PPARGC1A: variants seen among roughly 807,000 people sequenced by gnomAD.
PPARGC1A encodes PPARG coactivator 1 alpha.
Under a neutral mutation model 88.7 loss-of-function variants are expected in PPARGC1A, and 25 were observed. The observed-to-expected ratio is 0.28, with a 90% confidence interval of 0.21 to 0.39. The LOEUF (loss-of-function observed/expected upper bound fraction) is 0.39, where lower values mean the gene tolerates loss of function less well. PPARGC1A is among the 10% of genes least tolerant of loss of function. PPARGC1A has a pLI of 1.00. For synonymous variants in PPARGC1A, 363 were observed against 355.6 expected (o/e 1.02, Z -0.24); for missense variants, 880 against 968.7 (o/e 0.91, Z 1.22).
chr4:24,041,173 G>T, the PPARGC1A span, among the ~76,000 whole-genome samples: 1 of 152,170 alleles, frequency 6.6e-6, no homozygotes, highest in Non-Finnish European at 1.5e-5. Context: ...GACCTTTAAA[G>T]ATTGTGTCAA....
the PPARGC1A span, among the ~76,000 whole-genome samples, chr4:23,993,593 C>T: frequency 2.0e-5 from 3 of 152,098 alleles, no homozygotes; most frequent in Non-Finnish European, 4.4e-5. Context: ...ATCATCAGCC[C>T]CATTTTGCAG....
At chr4:23,892,754 T>C (rs775888733), upstream of PPARGC1A, among the ~76,000 whole-genome samples, 1 of 152,162 alleles carries the variant, frequency 6.6e-6, no homozygotes, top group Non-Finnish European at 1.5e-5. Context: ...CAAGGATCTA[T>C]TGAAACCTTA....
At chr4:24,467,150 G>A in the PPARGC1A span, among the ~76,000 whole-genome samples, 14 of 151,686 alleles carry the variant, frequency 9.2e-5, no homozygotes, top group Non-Finnish European at 8.8e-5. Context: ...AAAGAAAAGC[G>A]AACAATGTTT....
At chr4:24,229,001 A>G in the PPARGC1A span, among the ~76,000 whole-genome samples, 4 of 152,068 alleles carry the variant, frequency 2.6e-5, no homozygotes, top group Non-Finnish European at 5.9e-5. Context: ...AGTGACTGCC[A>G]TGCTTTGGGA....
the PPARGC1A span, among the ~76,000 whole-genome samples, chr4:24,299,636 A>G: frequency 6.6e-6 from 1 of 152,152 alleles, no homozygotes; most frequent in African/African-American, 2.4e-5. Flanking sequence ...TTAAATGATC[A>G]TATGGGCATG....
the PPARGC1A span, among the ~76,000 whole-genome samples, chr4:23,984,997 A>T: frequency 4.0e-3 from 609 of 152,214 alleles, no homozygotes; most frequent in Non-Finnish European, 6.1e-3. Flanking sequence ...AGGCTGACAA[A>T]CATTTCAGAG....
At chr4:24,353,109 A>T in the PPARGC1A span, among the ~76,000 whole-genome samples, 1 of 151,872 alleles carries the variant, frequency 6.6e-6, no homozygotes, top group African/African-American at 2.4e-5. Flanking sequence ...TCTGACTGGT[A>T]TTGCCAGCAA....
At chr4:24,099,857 T>C in the PPARGC1A span, among the ~76,000 whole-genome samples, 411 of 151,468 alleles carry the variant, frequency 2.7e-3, 4 homozygotes, top group East Asian at 0.051. Flanking sequence ...GAAGGTGAGC[T>C]AAGGCTGCGT....
the PPARGC1A span, among the ~76,000 whole-genome samples, chr4:24,165,783 T>C: frequency 6.6e-6 from 1 of 151,908 alleles, no homozygotes; most frequent in Non-Finnish European, 1.5e-5. Flanking sequence ...TTCTGACTGC[T>C]CCACTGACCA....
the PPARGC1A span, among the ~76,000 whole-genome samples, chr4:24,290,214 T>A: frequency 2.7e-3 from 408 of 152,184 alleles, 3 homozygotes; most frequent in African/African-American, 8.7e-3. Context: ...CTTTTTTTTT[T>A]AAATTTATTT....
chr4:24,326,531 G>C, the PPARGC1A span, among the ~76,000 whole-genome samples: 3 of 152,242 alleles, frequency 2.0e-5, no homozygotes, highest in Middle Eastern at 3.4e-3. Context: ...GACTGACCCT[G>C]ACACCCATCA....
At chr4:24,176,593 C>G in the PPARGC1A span, among the ~76,000 whole-genome samples, 2 of 152,122 alleles carry the variant, frequency 1.3e-5, no homozygotes, top group Non-Finnish European at 2.9e-5. Context: ...AACATGTTTC[C>G]TGGAGCCCTG....
chr4:24,329,794 A>C, the PPARGC1A span, among the ~76,000 whole-genome samples: 1 of 152,240 alleles, frequency 6.6e-6, no homozygotes, highest in Non-Finnish European at 1.5e-5. Context: ...GGTCAAATGC[A>C]CAAATGAATG....
the PPARGC1A span, among the ~76,000 whole-genome samples, chr4:24,371,666 C>A: frequency 1.3e-5 from 2 of 151,770 alleles, no homozygotes; most frequent in African/African-American, 4.8e-5. Context: ...AGGGGCAGGG[C>A]GCGGTGGCTC....
In PPARGC1A at chr4:23,795,656, T is replaced by C. The variant is rs70937060; in HGVS notation, c.*166A>G. Reference sequence around the variant, plus strand: ...GTGTTCATGTAAACCATTGTTGTTATTGTTGTTGTTGTTCTTGTTGTATTG... The same window carrying C: ...GTGTTCATGTAAACCATTGTTGTTACTGTTGTTGTTGTTCTTGTTGTATTG... On this transcript the variant is annotated 3_prime_UTR_variant, in exon 13 of 13. Coordinates refer to ENST00000264867, the MANE Select transcript of PPARGC1A (RefSeq NM_013261.5). The C allele has an allele frequency of 5.4e-6, 3 of 554,580 alleles. No individual in the cohort carries two copies. The highest frequency in any genetic ancestry group is 3.2e-5 in the East Asian group (1 of 31,598). 34.4% of individuals were successfully genotyped at this position (554,580 alleles called of 1,614,324 possible).
At chr4:24,223,119 TGTATTTAAAAACTATTCAAAAG>T in the PPARGC1A span, among the ~76,000 whole-genome samples, 1 of 152,330 alleles carries the variant, frequency 6.6e-6, no homozygotes, top group East Asian at 1.9e-4. Flanking sequence ...CCTATAAATT[TGTATTTAAAAACTATTCAAAAG>T]ATGAAAGCTA....
chr4:24,395,868 C>A, the PPARGC1A span, among the ~76,000 whole-genome samples: 1 of 152,132 alleles, frequency 6.6e-6, no homozygotes, highest in Non-Finnish European at 1.5e-5. Flanking sequence ...GCTCACCTTG[C>A]CCCTCCATGC....
chr4:24,165,194 T>A, the PPARGC1A span, among the ~76,000 whole-genome samples: 7 of 152,108 alleles, frequency 4.6e-5, no homozygotes, highest in African/African-American at 9.7e-5. Flanking sequence ...AATTAAAAAA[T>A]TTTAATTTTT....
chr4:24,069,410 A>T, the PPARGC1A span, among the ~76,000 whole-genome samples: 1 of 152,224 alleles, frequency 6.6e-6, no homozygotes, highest in African/African-American at 2.4e-5. Context: ...AATATGTGTT[A>T]TTTCATGAAG....
Sources: gnomAD v4.1 joint callset for allele counts (sites outside exome capture counted in the v4.1 genomes callset) on GRCh38, gnomAD v4.1.1 for gene constraint, MANE v1.5 for transcripts, NCBI Gene and HGNC (gene_info 2026-07-23, HGNC 2026-07-21) for gene names.